NIM1K: variants seen among roughly 807,000 people sequenced by gnomAD.
NIM1K encodes NIM1 serine/threonine protein kinase, also known as serine/threonine-protein kinase NIM1.
In NIM1K, 35 loss-of-function variants were observed where a neutral mutation model predicts 37.1. The observed-to-expected ratio is 0.94, with a 90% CI of 0.72 to 1.25. The LOEUF (loss-of-function observed/expected upper bound fraction) is 1.25. NIM1K is among the 50% of genes most tolerant of loss of function. The probability of loss-of-function intolerance (pLI) is 0.00; values close to 1 mark genes in which losing one functional copy is unlikely to be tolerated. For missense variants in NIM1K, 564 were observed against 548.0 expected (o/e 1.03, Z -0.29); for synonymous variants, 234 against 206.6 (o/e 1.13, Z -1.14).
intron 1 of NIM1K, among the ~76,000 whole-genome samples, chr5:43,224,594 A>AT (rs1488625459): frequency 6.6e-6 from 1 of 152,106 alleles, no homozygotes; most frequent in Admixed American, 6.5e-5. Flanking sequence ...CAAAATTAAT[A>AT]TAAGTAGAGG....
At chr5:43,250,452 A>C (rs560424319) in intron 2 of NIM1K, among the ~76,000 whole-genome samples, 15 of 152,268 alleles carry the variant, frequency 9.9e-5, no homozygotes, top group African/African-American at 2.9e-4. Flanking sequence ...TATACGTATG[A>C]TTTCTCTCAG....
intron 1 of NIM1K, among the ~76,000 whole-genome samples, chr5:43,218,051 G>A (rs566627097): frequency 1.3e-4 from 19 of 147,716 alleles, no homozygotes; most frequent in African/African-American, 3.3e-4. Flanking sequence ...TCAGTCTGTC[G>A]CCCAGGCTGG....
At chr5:43,213,983 CTT>C (rs764323868) in intron 1 of NIM1K, among the ~76,000 whole-genome samples, 17 of 139,080 alleles carry the variant, frequency 1.2e-4, no homozygotes, top group Admixed American at 7.3e-5. Context: ...CTCTTTCTTT[CTT>C]TTTTTTTTTT....
At chr5:43,207,001 T>A (rs1752123006) in intron 1 of NIM1K, 2 of 753,128 alleles carry the variant, frequency 2.7e-6, no homozygotes, top group Admixed American at 3.4e-5. Context: ...GTCAGGACAG[T>A]ACTGGGCGGG....
intron 1 of NIM1K, among the ~76,000 whole-genome samples, chr5:43,223,029 C>T (rs1171780095): frequency 6.6e-6 from 1 of 151,380 alleles, no homozygotes; most frequent in Non-Finnish European, 1.5e-5. Flanking sequence ...ATCCCAGCTA[C>T]TCCGGAGGCT....
intron 1 of NIM1K, chr5:43,207,659 C>A (rs760627907): frequency 2.7e-5 from 16 of 582,218 alleles, no homozygotes; most frequent in Admixed American, 1.9e-4. Flanking sequence ...GACGGAAGCG[C>A]TGTTGCTCTA....
At chr5:43,215,054 G>A (rs1752280556) in intron 1 of NIM1K, among the ~76,000 whole-genome samples, 1 of 152,148 alleles carries the variant, frequency 6.6e-6, no homozygotes, top group African/African-American at 2.4e-5. Flanking sequence ...TTTAAATAAT[G>A]TCCAGTCTCT....
intron 2 of NIM1K, among the ~76,000 whole-genome samples, chr5:43,260,226 C>A (rs1753007043): frequency 6.6e-6 from 1 of 152,168 alleles, no homozygotes; most frequent in Non-Finnish European, 1.5e-5. Flanking sequence ...ATTTCTTTCT[C>A]TTGCCTGATT....
chr5:43,198,197 TTCTTTCTTTCTC>T (rs1561069916), intron 1 of NIM1K, among the ~76,000 whole-genome samples: 3 of 57,024 alleles, frequency 5.3e-5, no homozygotes, highest in Non-Finnish European at 1.0e-4. Flanking sequence ...CTTTCTTTCT[TTCTTTCTTTCTC>T]TTTCTTTCTT....
chr5:43,233,261 A>G lies in NIM1K; in HGVS notation c.-694-11821A>G. 3 of 574,022 alleles carry G rather than the reference A, an allele frequency of 5.2e-6. No individual in the cohort carries two copies. The South Asian group carries it at 8.6e-5, about 16-fold the overall frequency. The allele number at this position is 574,022 out of a possible 1,614,324, so 35.6% of individuals were successfully genotyped here. On this transcript the variant is annotated intron_variant, in intron 1 of 3. Coordinates refer to ENST00000326035, the MANE Select transcript of NIM1K (RefSeq NM_153361.4). ...GTGCGACTCTTAGGTGATTGATATA[A>G]GAGAACCTGCCTATTATTTTCTTTC...
intron 1 of NIM1K, among the ~76,000 whole-genome samples, chr5:43,213,613 C>T (rs1198992084): frequency 6.6e-6 from 1 of 152,200 alleles, no homozygotes; most frequent in Non-Finnish European, 1.5e-5. Context: ...CCTGCCTCAG[C>T]CTCCAGAGTA....
chr5:43,253,212 ATGTGTGTGTGTGTG>A lies in NIM1K; in HGVS notation c.292+7175_292+7188del, dbSNP rs10603525. On this transcript the variant is annotated intron_variant, in intron 2 of 3. Coordinates refer to ENST00000326035, the MANE Select transcript of NIM1K (RefSeq NM_153361.4). ...TATAATATAATATATAATATAATAT[ATGTGTGTGTGTGTG>A]TGTGTGTGTGTGTGTGTGTGTGTGT... is the stretch of plus-strand genomic sequence containing the variant. Among the ~76,000 whole-genome samples the A allele has an allele frequency of 2.4e-3, 315 of 131,726 alleles. 3 individuals are homozygous for A. The highest frequency in any genetic ancestry group is 3.8e-3 in the Non-Finnish European group (245 of 64,028). 86.4% of individuals were successfully genotyped at this position (131,726 alleles called of 152,430 possible).
chr5:43,257,939 T>A (rs1328274489), intron 2 of NIM1K, among the ~76,000 whole-genome samples: 1 of 152,060 alleles, frequency 6.6e-6, no homozygotes, highest in Non-Finnish European at 1.5e-5. Context: ...TATAACCTTT[T>A]TATGTTTAAC....
At position 43,213,194 on chromosome 5, in the gene NIM1K, T is replaced by C. The variant is rs866110031; in HGVS notation, c.-695+20783T>C. On this transcript the variant is annotated intron_variant, in intron 1 of 3. Transcript: ENST00000326035. The stretch of plus-strand genomic sequence containing the variant: ...CTTTCTTTCTTTCTTTCTTTCTTTC[T>C]TTCTTTCTTTCTTTCTTTCTTTCTT... 4.1e-3 allele frequency among the ~76,000 whole-genome samples: 237 copies of C among 57,956 alleles called. 19 individuals are homozygous for C. The highest frequency in any genetic ancestry group is 0.01 in the African/African-American group (199 of 19,070). 38.0% of individuals were successfully genotyped at this position (57,956 alleles called of 152,430 possible). A position where few individuals can be genotyped will look rare whatever the true frequency, so the allele number is the denominator to read the frequency against.
At chr5:43,232,503 A>C (rs1400105920) in intron 1 of NIM1K, 1 of 1,533,670 alleles carries the variant, frequency 6.5e-7, no homozygotes, top group African/African-American at 1.4e-5. Flanking sequence ...AGTTTAGTAT[A>C]GGTTGGGCGT....
intron 2 of NIM1K, among the ~76,000 whole-genome samples, chr5:43,270,536 T>G (rs1326802968): frequency 6.6e-6 from 1 of 151,894 alleles, no homozygotes; most frequent in Non-Finnish European, 1.5e-5. Context: ...GAATGAGGAG[T>G]GGAAGAAGGC....
intron 1 of NIM1K, among the ~76,000 whole-genome samples, chr5:43,241,127 T>C (rs1752696229): frequency 6.6e-6 from 1 of 151,960 alleles, no homozygotes. Flanking sequence ...ACCATTGCAC[T>C]ATCAAAATTT....
rs1276138552 is a variant in NIM1K, at chr5:43,253,197, TATATAATATA to T, written c.292+7136_292+7145del. Among the ~76,000 whole-genome samples, 110 of 119,068 alleles carry T rather than the reference TATATAATATA, an allele frequency of 9.2e-4. 1 individual carries two copies. Among genetic ancestry groups the T allele is most frequent in the African/African-American group, 3.3e-3 (107 of 32,642 alleles). The allele number at this position is 119,068 out of a possible 152,430, so 78.1% of individuals were successfully genotyped here. On this transcript the variant is annotated intron_variant, in intron 2 of 3. Transcript: ENST00000326035. ...ATATATAATGTAATATATAATATAA[TATATAATATA>T]ATATATGTGTGTGTGTGTGTGTGTG...
At chr5:43,232,875 A>G in intron 1 of NIM1K, 1 of 1,129,754 alleles carries the variant, frequency 8.9e-7, no homozygotes. Flanking sequence ...AGTTACTGGA[A>G]GCATCTTCCT....
Sources: allele counts gnomAD v4.1 joint callset (sites outside exome capture counted in the v4.1 genomes callset), GRCh38; gene constraint gnomAD v4.1.1; transcripts MANE v1.5; gene names NCBI Gene and HGNC (gene_info 2026-07-23, HGNC 2026-07-21).